Variants in TRMT2B observed in about 807,000 individuals in gnomAD.
TRMT2B encodes the protein tRNA (uracil-5-)-methyltransferase homolog B.
A neutral mutation model predicts 39.7 loss-of-function variants in TRMT2B; 34 were observed. The observed-to-expected ratio is 0.86, with a 90% CI of 0.65 to 1.14. The LOEUF (loss-of-function observed/expected upper bound fraction) is 1.14. Among genes scored for constraint, TRMT2B ranks in the 50% most tolerant of loss-of-function variants. The pLI is 0.00. For synonymous variants in TRMT2B, 132 were observed against 137.3 expected, an observed-to-expected ratio of 0.96 and a Z score of 0.27; for missense variants, 318 against 377.2, an observed-to-expected ratio of 0.84 and a Z score of 1.30.
chrX:100,996,915 A>C, the TRMT2B span, among the ~76,000 whole-genome samples: 1 of 111,981 alleles, frequency 8.9e-6, no homozygotes, highest in Non-Finnish European at 1.9e-5. Flanking sequence ...TACTCAAAAA[A>C]CAAAAAACCA....
At chrX:101,037,693 T>C (rs1267312184) in intron 5 of TRMT2B, among the ~76,000 whole-genome samples, 1 of 111,500 alleles carries the variant, frequency 9.0e-6, no homozygotes. Context: ...TTTCTAGATG[T>C]GTGTCCTGGG....
intron 2 of TRMT2B, among the ~76,000 whole-genome samples, chrX:101,049,118 A>C (rs1258302009): frequency 9.0e-6 from 1 of 111,042 alleles, no homozygotes; most frequent in Non-Finnish European, 1.9e-5. Flanking sequence ...TAGACACATA[A>C]ATTTTCTGAC....
chrX:101,000,411 C>T, the TRMT2B span, among the ~76,000 whole-genome samples: 6 of 111,011 alleles, frequency 5.4e-5, no homozygotes, highest in East Asian at 1.1e-3. Context: ...CGCGAGCCAC[C>T]GCACCCGGCC....
chrX:100,974,115 T>C, the TRMT2B span: 13 of 1,176,741 alleles, frequency 1.1e-5, no homozygotes, highest in South Asian at 3.8e-5. Flanking sequence ...CATTTTTCTT[T>C]TTCATTTCTA....
chrX:100,988,423 T>C, the TRMT2B span: 1 of 1,200,860 alleles, frequency 8.3e-7, no homozygotes, highest in Non-Finnish European at 1.1e-6. Flanking sequence ...GTCAGTAACA[T>C]TTGCTTTAGA....
intron 7 of TRMT2B, among the ~76,000 whole-genome samples, chrX:101,029,796 A>G (rs944866666): frequency 4.5e-5 from 5 of 111,911 alleles, no homozygotes; most frequent in African/African-American, 1.6e-4. Context: ...AGGTGAAGGA[A>G]GCCACATCTG....
In TRMT2B at chrX:101,010,698, A is replaced by G; in HGVS notation, c.1398T>C (p.Cys466=). 1 of 1,210,551 alleles carries G rather than the reference A, an allele frequency of 8.3e-7. No individual in the cohort carries two copies. The highest frequency in any genetic ancestry group is 3.0e-5 in the East Asian group (1 of 33,810). The stretch of plus-strand genomic sequence containing the variant: ...AGAGCTTCTTAGCAGGGTCTGGAGG[A>G]CAGCACAGCCTGTAGAAACAGAACA... ...ESTRNVIELC[C]PPDPAKKLLG... The change falls in exon 14 of 14, where the codon TGT becomes TGC. Residue 466 remains cysteine (C), a synonymous_variant. Coordinates refer to ENST00000372936, the MANE Select transcript of TRMT2B (RefSeq NM_024917.6).
chrX:101,029,165 G>A (rs36013538), intron 7 of TRMT2B, among the ~76,000 whole-genome samples: 1 of 109,678 alleles, frequency 9.1e-6, no homozygotes, highest in Non-Finnish European at 1.9e-5. Flanking sequence ...CCAGCCACAC[G>A]CTCATCTTGG....
intron 2 of TRMT2B, among the ~76,000 whole-genome samples, chrX:101,049,486 CCAAAAAAAA>C (rs1440127137): frequency 2.3e-5 from 1 of 43,036 alleles, no homozygotes; most frequent in African/African-American, 1.3e-4. Flanking sequence ...GACCCTGTCT[CCAAAAAAAA>C]AAAAAAAAAA....
At position 101,043,134 on chromosome X, in the gene TRMT2B, T is replaced by C. The variant is rs965999106; in HGVS notation, c.-23-822A>G. On this transcript the variant is annotated intron_variant, in intron 2 of 13. Transcript: ENST00000372936. ...ATACAAAATTAGCTGGGTGTGGTGGTGCATGCCTGTGATCCCAGCTACTTG... is the reference window on the plus strand; with the variant it reads ...ATACAAAATTAGCTGGGTGTGGTGGCGCATGCCTGTGATCCCAGCTACTTG... Among the ~76,000 whole-genome samples the C allele has an allele frequency of 2.7e-5, 3 of 109,172 alleles. No homozygotes were observed. In the Admixed American group the frequency reaches 3.0e-4, roughly 11 times the overall value. The allele number at this position is 109,172 out of a possible 115,157, so 94.8% of individuals were successfully genotyped here. A position where few individuals can be genotyped will look rare whatever the true frequency, so the allele number is the denominator to read the frequency against.
At position 101,046,145 on chromosome X, in the gene TRMT2B, CA is replaced by C. The variant is rs10659413; in HGVS notation, c.-23-3834del. On this transcript the variant is annotated intron_variant, in intron 2 of 13. Transcript: ENST00000372936. The stretch of plus-strand genomic sequence containing the variant: ...TGGGCGATATAGTGAGACTCAGTCT[CA>C]AAAAAAAAAAAAAAAAAAATCAATC... Among the ~76,000 whole-genome samples, 92 of 56,916 alleles carry C rather than the reference CA, an allele frequency of 1.6e-3. 2 individuals carry two copies. The highest frequency in any genetic ancestry group is 7.3e-3 in the East Asian group (8 of 1,103). 49.4% of individuals were successfully genotyped at this position (56,916 alleles called of 115,157 possible).
chrX:101,035,786 T>C (rs183358356), intron 6 of TRMT2B, 103 bp from the exon 7 acceptor site: 97 of 669,536 alleles, frequency 1.4e-4, no homozygotes, highest in Middle Eastern at 6.7e-4. Flanking sequence ...CATATGTAGA[T>C]ATGAAGAAGC....
the TRMT2B span, chrX:100,988,154 T>C: frequency 5.5e-6 from 6 of 1,093,350 alleles, no homozygotes; most frequent in East Asian, 6.2e-5. Flanking sequence ...TTGAAGTGTG[T>C]CCGTTTCTAC....
chrX:101,035,655 A>T lies in TRMT2B; in HGVS notation c.567T>A (p.Asn189Lys). The part of the protein sequence containing the change: ...RDGNVVCVQS[N>K]HLKNIPEKHS... Reference sequence around the variant, plus strand: ...GTTTCTCAGGGATGTTTTTCAGATGATTAGACTGCACACAGACAACGTTCC... The same window carrying T: ...GTTTCTCAGGGATGTTTTTCAGATGTTTAGACTGCACACAGACAACGTTCC... Residue 189 changes from asparagine to lysine, a missense_variant, in exon 7 of 14, where the codon AAT (asparagine) becomes AAA (lysine). Physicochemically the swap from Asn to Lys is moderately conservative, Grantham distance 94. Transcript: ENST00000372936. The T allele has an allele frequency of 8.3e-7, 1 of 1,210,094 alleles. No individual in the cohort carries two copies. The highest frequency in any genetic ancestry group is 1.1e-6 in the Non-Finnish European group (1 of 893,894).
intron 12 of TRMT2B, 71 bp downstream of exon 12, chrX:101,019,213 C>A: frequency 8.4e-7 from 1 of 1,194,023 alleles, no homozygotes; most frequent in Non-Finnish European, 1.1e-6. Flanking sequence ...GCACCCGTAG[C>A]ATGGTGTGGA....
At chrX:101,038,898 C>T (rs937961480) in intron 4 of TRMT2B, among the ~76,000 whole-genome samples, 3 of 110,706 alleles carry the variant, frequency 2.7e-5, no homozygotes, top group Non-Finnish European at 3.8e-5. Flanking sequence ...TACAAGCACA[C>T]GCCACCAAAC....
At chrX:101,004,025 A>C in the TRMT2B span, among the ~76,000 whole-genome samples, 1 of 110,232 alleles carries the variant, frequency 9.1e-6, no homozygotes, top group Non-Finnish European at 1.9e-5. Context: ...TTTTTGAGAC[A>C]GGGTCTTGCT....
the TRMT2B span, among the ~76,000 whole-genome samples, chrX:100,997,777 C>A: frequency 1.8e-5 from 2 of 112,133 alleles, no homozygotes; most frequent in Non-Finnish European, 3.8e-5. Context: ...ATGAAGGTGA[C>A]AAAATGAGAG....
chrX:101,026,685 TTAAAATAACAGAATATTCCACC>T (rs1374047903), intron 7 of TRMT2B, among the ~76,000 whole-genome samples: 4 of 110,960 alleles, frequency 3.6e-5, no homozygotes, highest in Admixed American at 2.9e-4. Context: ...GAACTTCTGG[TTAAAATAACAGAATATTCCACC>T]TAAAATAACA....
Sources: allele counts gnomAD v4.1 joint callset (sites outside exome capture counted in the v4.1 genomes callset), GRCh38; gene constraint gnomAD v4.1.1; transcripts MANE v1.5; gene names NCBI Gene and HGNC (gene_info 2026-07-23, HGNC 2026-07-21).